The following PUDP variants were observed in gnomAD, a reference collection of about 807,000 sequenced individuals.
PUDP encodes the protein pseudouridine-5'-phosphatase.
Under a neutral mutation model 9.4 loss-of-function variants are expected in PUDP, and 8 were observed. The ratio of observed to expected loss-of-function variants is 0.85; its 90% confidence interval spans 0.50 to 1.53. PUDP has a LOEUF of 1.53. Among genes scored for constraint, PUDP ranks in the 40% most tolerant of loss-of-function variants. The pLI, the probability that PUDP is intolerant of heterozygous loss-of-function variation, is 0.00. For synonymous variants in PUDP, 99 were observed against 80.7 expected, an observed-to-expected ratio of 1.23 and a Z score of -1.22; for missense variants, 188 against 189.7, an observed-to-expected ratio of 0.99 and a Z score of 0.05.
At chrX:7,066,822 G>C (rs757117422) in intron 3 of PUDP, among the ~76,000 whole-genome samples, 6 of 112,370 alleles carry the variant, frequency 5.3e-5, no homozygotes, top group African/African-American at 1.6e-4. Context: ...TTGCTGGAAA[G>C]TATTTCCAGA....
chrX:7,004,715 T>C (rs1159108110), intron 1 of PUDP, among the ~76,000 whole-genome samples: 1 of 112,157 alleles, frequency 8.9e-6, no homozygotes, highest in East Asian at 2.8e-4. Flanking sequence ...TTCTGCTACA[T>C]ATGTGGAAAA....
chrX:6,896,850 T>C (rs1370084463), intron 3 of PUDP, among the ~76,000 whole-genome samples: 1 of 111,594 alleles, frequency 9.0e-6, no homozygotes, highest in Non-Finnish European at 1.9e-5. Context: ...GACAGAAGAC[T>C]GCTAACACAT....
intron 3 of PUDP, among the ~76,000 whole-genome samples, chrX:6,925,188 G>T (rs961037922): frequency 8.9e-6 from 1 of 111,975 alleles, no homozygotes; most frequent in African/African-American, 3.2e-5. Context: ...GGTGGTGCAC[G>T]CCTGTGGTCC....
At chrX:6,847,683 G>A (rs779175015) in intron 3 of PUDP, among the ~76,000 whole-genome samples, 1 of 112,319 alleles carries the variant, frequency 8.9e-6, no homozygotes, top group East Asian at 2.8e-4. Context: ...TAAGTGTATT[G>A]GTTAGCTATT....
intron 3 of PUDP, among the ~76,000 whole-genome samples, chrX:6,888,624 C>T (rs183655588): frequency 0.02 from 2,226 of 110,550 alleles, 59 homozygotes; most frequent in African/African-American, 0.07. Flanking sequence ...CACTCCAGCC[C>T]GGGCAACAGA....
At chrX:7,060,158 A>G (rs1409827459) in intron 3 of PUDP, among the ~76,000 whole-genome samples, 1 of 111,798 alleles carries the variant, frequency 8.9e-6, no homozygotes, top group Non-Finnish European at 1.9e-5. Context: ...TACAAAGCCA[A>G]TGCCCTTCAG....
At chrX:7,045,393 A>G (rs1217994894), downstream of PUDP, among the ~76,000 whole-genome samples, 6 of 111,855 alleles carry the variant, frequency 5.4e-5, no homozygotes, top group Non-Finnish European at 1.1e-4. Flanking sequence ...TTTCTGCCCT[A>G]CTAACATACT....
intron 3 of PUDP, among the ~76,000 whole-genome samples, chrX:6,799,835 T>C (rs914763259): frequency 9.0e-6 from 1 of 110,569 alleles, no homozygotes; most frequent in Non-Finnish European, 1.9e-5. Context: ...AAACTCTGTC[T>C]CAAAAAAAAT....
chrX:6,732,472 A>AT (rs1924820639), intron 3 of PUDP, among the ~76,000 whole-genome samples: 1 of 111,075 alleles, frequency 9.0e-6, no homozygotes. Flanking sequence ...TTTTGAACAA[A>AT]GTAAAAACTC....
At chrX:7,080,374 T>C (rs923285040) in intron 2 of PUDP, among the ~76,000 whole-genome samples, 1 of 111,720 alleles carries the variant, frequency 9.0e-6, no homozygotes, top group Non-Finnish European at 1.9e-5. Context: ...GCTGGTAAAT[T>C]TACCAACTTC....
chrX:6,934,026 G>A (rs1171512080), intron 3 of PUDP, among the ~76,000 whole-genome samples: 16 of 100,813 alleles, frequency 1.6e-4, no homozygotes, highest in African/African-American at 4.8e-4. Context: ...TGAAAGTGAC[G>A]GGGAGAATGG....
intron 3 of PUDP, among the ~76,000 whole-genome samples, chrX:6,877,931 C>T (rs1280874096): frequency 8.9e-6 from 1 of 111,801 alleles, no homozygotes; most frequent in Non-Finnish European, 1.9e-5. Flanking sequence ...GGGACAAGAA[C>T]GCGGGTTAGG....
At chrX:6,869,115 T>C (rs1479029408) in intron 3 of PUDP, among the ~76,000 whole-genome samples, 1 of 111,972 alleles carries the variant, frequency 8.9e-6, no homozygotes, top group Admixed American at 9.5e-5. Flanking sequence ...CCACCTGCTC[T>C]CAGCCAAATG....
chrX:6,941,587 C>G (rs1928400647), intron 3 of PUDP, among the ~76,000 whole-genome samples: 1 of 110,687 alleles, frequency 9.0e-6, no homozygotes, highest in Admixed American at 9.7e-5. Context: ...CCTTGGCCTC[C>G]CAAAGTGCTG....
intron 3 of PUDP, among the ~76,000 whole-genome samples, chrX:6,861,670 G>A (rs1261452666): frequency 9.0e-6 from 1 of 111,215 alleles, no homozygotes; most frequent in East Asian, 2.8e-4. Flanking sequence ...GAGACAAGGA[G>A]GTGAGTGTAG....
At chrX:6,901,118 C>A in intron 3 of PUDP, among the ~76,000 whole-genome samples, 1 of 111,696 alleles carries the variant, frequency 9.0e-6, no homozygotes, top group Non-Finnish European at 1.9e-5. Context: ...TAATACAGGA[C>A]TTGACCCAAA....
chrX:6,761,602 T>C (rs992468835), intron 3 of PUDP, among the ~76,000 whole-genome samples: 4 of 111,750 alleles, frequency 3.6e-5, no homozygotes, highest in Non-Finnish European at 5.6e-5. Flanking sequence ...ACACACTCAG[T>C]GAAGAGCAGC....
At chrX:7,087,890 G>A (rs1254451826) in intron 2 of PUDP, among the ~76,000 whole-genome samples, 1 of 111,322 alleles carries the variant, frequency 9.0e-6, no homozygotes, top group African/African-American at 3.3e-5. Flanking sequence ...AATGTTCTCC[G>A]GGGTCACTGA....
intron 3 of PUDP, among the ~76,000 whole-genome samples, chrX:6,863,106 CA>C (rs1261668206): frequency 8.9e-6 from 1 of 111,868 alleles, no homozygotes; most frequent in Admixed American, 9.5e-5. Context: ...GTGGCATTCA[CA>C]GGCATGATCA....
Sources: allele counts gnomAD v4.1 joint callset (sites outside exome capture counted in the v4.1 genomes callset), GRCh38; gene constraint gnomAD v4.1.1; transcripts MANE v1.5; gene names NCBI Gene and HGNC (gene_info 2026-07-23, HGNC 2026-07-21).